The following ADARB2 variants were observed in gnomAD, a reference collection of about 807,000 sequenced individuals.
ADARB2 encodes adenosine deaminase RNA specific B2 (inactive), also known as inactive double-stranded RNA-specific editase B2.
In ADARB2, 25 loss-of-function variants were observed where a neutral mutation model predicts 62.2. The observed-to-expected ratio is 0.40, with a 90% CI of 0.29 to 0.56. The LOEUF (loss-of-function observed/expected upper bound fraction) is 0.56. ADARB2 is among the 20% of genes least tolerant of loss of function. The pLI is 0.43. For synonymous variants in ADARB2, 572 were observed against 500.8 expected, an observed-to-expected ratio of 1.14 and a Z score of -1.90; for missense variants, 1,071 against 1,077.4, an observed-to-expected ratio of 0.99 and a Z score of 0.08.
chr10:1,258,632 G>A (rs1465603637), intron 4 of ADARB2, among the ~76,000 whole-genome samples: 1 of 152,186 alleles, frequency 6.6e-6, no homozygotes, highest in African/African-American at 2.4e-5. Flanking sequence ...CAATACAGGA[G>A]CACCCAGATT....
chr10:1,232,778 GTA>G (rs1830821261), intron 6 of ADARB2, among the ~76,000 whole-genome samples: 1 of 150,596 alleles, frequency 6.6e-6, no homozygotes, highest in African/African-American at 2.4e-5. Context: ...GGTATATATG[GTA>G]TGTGTGTGGT....
intron 1 of ADARB2, among the ~76,000 whole-genome samples, chr10:1,478,479 C>T (rs1831429020): frequency 6.6e-6 from 1 of 152,218 alleles, no homozygotes; most frequent in Non-Finnish European, 1.5e-5. Context: ...TAAATCTAGA[C>T]ACAGACATTG....
At chr10:1,207,284 T>G (rs1837081138) in intron 7 of ADARB2, among the ~76,000 whole-genome samples, 3 of 152,190 alleles carry the variant, frequency 2.0e-5, no homozygotes, top group African/African-American at 7.2e-5. Flanking sequence ...AGGCAGAGGC[T>G]GCAGTGAGCC....
chr10:1,732,762 G>A (rs976988533), intron 1 of ADARB2, among the ~76,000 whole-genome samples: 1 of 152,204 alleles, frequency 6.6e-6, no homozygotes, highest in Non-Finnish European at 1.5e-5. Flanking sequence ...CGGAGCCCAC[G>A]GCCGCTCTGC....
intron 1 of ADARB2, among the ~76,000 whole-genome samples, chr10:1,587,870 T>C (rs1460436972): frequency 6.6e-6 from 1 of 152,130 alleles, no homozygotes; most frequent in Non-Finnish European, 1.5e-5. Context: ...GTTTCCCCTT[T>C]CTCTTGGCTC....
At chr10:1,616,379 A>G (rs943419222) in intron 1 of ADARB2, among the ~76,000 whole-genome samples, 1 of 152,152 alleles carries the variant, frequency 6.6e-6, no homozygotes, top group African/African-American at 2.4e-5. Flanking sequence ...CTCCAGACAC[A>G]CTCTACCCTG....
chr10:1,557,606 A>T (rs1832723727), intron 1 of ADARB2, among the ~76,000 whole-genome samples: 6 of 152,088 alleles, frequency 3.9e-5, no homozygotes, highest in Admixed American at 3.9e-4. Flanking sequence ...TGTTTATTTT[A>T]TCAAAAGAAC....
chr10:1,688,949 G>A (rs1325104900), intron 1 of ADARB2, among the ~76,000 whole-genome samples: 2 of 152,144 alleles, frequency 1.3e-5, no homozygotes, highest in Non-Finnish European at 2.9e-5. Context: ...TATATATATT[G>A]GAAAATAAGT....
At chr10:1,484,846 C>A (rs1179124792) in intron 1 of ADARB2, among the ~76,000 whole-genome samples, 1 of 152,024 alleles carries the variant, frequency 6.6e-6, no homozygotes, top group African/African-American at 2.4e-5. Flanking sequence ...ATGTAGGCAC[C>A]TATGTAGATA....
At chr10:1,404,154 C>T (rs1405638132) in intron 1 of ADARB2, among the ~76,000 whole-genome samples, 1 of 152,268 alleles carries the variant, frequency 6.6e-6, no homozygotes, top group Non-Finnish European at 1.5e-5. Context: ...TAAAGATGAG[C>T]TCTAGAGGCC....
chr10:1,316,277 G>A (rs1453708736), intron 3 of ADARB2, among the ~76,000 whole-genome samples: 1 of 152,238 alleles, frequency 6.6e-6, no homozygotes, highest in African/African-American at 2.4e-5. Flanking sequence ...GGGAGTGGAT[G>A]GTGCCAGGCT....
intron 1 of ADARB2, among the ~76,000 whole-genome samples, chr10:1,543,174 C>T (rs1166978357): frequency 1.3e-5 from 2 of 152,184 alleles, no homozygotes; most frequent in East Asian, 1.9e-4. Flanking sequence ...AGGATGGCGG[C>T]GTTGAGAGCC....
At chr10:1,622,432 T>C (rs760694273) in intron 1 of ADARB2, among the ~76,000 whole-genome samples, 23 of 152,200 alleles carry the variant, frequency 1.5e-4, no homozygotes, top group Non-Finnish European at 2.5e-4. Flanking sequence ...TTGCAAGTTA[T>C]ATATCTGATA....
chr10:1,477,461 T>C lies in ADARB2; in HGVS notation c.101-98301A>G, dbSNP rs1318617313. Among the ~76,000 whole-genome samples, 3 of 152,210 alleles carry C rather than the reference T, an allele frequency of 2.0e-5. No homozygotes were observed. The highest frequency in any genetic ancestry group is 1.5e-5 in the Non-Finnish European group (1 of 68,038). ...GCTTCTTTGCAGACGGCCCCTTTTC[T>C]GCTGTGCTGCCCATTGCTTTCTTGC... On this transcript the variant is annotated intron_variant, in intron 1 of 9. Transcript: ENST00000381312. The surrounding 1 kb of genome is among the most constrained non-coding windows in gnomAD (Gnocchi z 4.5).
At position 1,509,351 on chromosome 10, in the gene ADARB2, T is replaced by C. The variant is rs2131943543; in HGVS notation, c.101-130191A>G. ...TTTAATTTTATTTTTTATGCAATCA[T>C]GGGGACTATAACCAATAAATTTAGC... On this transcript the variant is annotated intron_variant, in intron 1 of 9. Transcript: ENST00000381312. Among the ~76,000 whole-genome samples the C allele has an allele frequency of 1.3e-5, 2 of 152,346 alleles. 1 individual carries two copies. Among genetic ancestry groups the C allele is most frequent in the South Asian group, 4.1e-4 (2 of 4,828 alleles).
intron 3 of ADARB2, among the ~76,000 whole-genome samples, chr10:1,308,911 G>A (rs1564253367): frequency 6.6e-6 from 1 of 152,138 alleles, no homozygotes; most frequent in Non-Finnish European, 1.5e-5. Flanking sequence ...TGGTTTTCTA[G>A]GATAAACAGA....
At chr10:1,718,693 G>T (rs575926062) in intron 1 of ADARB2, among the ~76,000 whole-genome samples, 1 of 152,282 alleles carries the variant, frequency 6.6e-6, no homozygotes, top group African/African-American at 2.4e-5. Context: ...CTTTACCTAG[G>T]GGGGCAGCAC....
intron 1 of ADARB2, among the ~76,000 whole-genome samples, chr10:1,545,197 T>C (rs1354644597): frequency 1.3e-5 from 2 of 152,184 alleles, no homozygotes; most frequent in African/African-American, 4.8e-5. Context: ...CATGGCTCCA[T>C]GCTTCCTAAC....
chr10:1,599,483 T>C (rs1225718088), intron 1 of ADARB2, among the ~76,000 whole-genome samples: 1 of 152,236 alleles, frequency 6.6e-6, no homozygotes, highest in African/African-American at 2.4e-5. Context: ...ATTATGATCC[T>C]GTGTACAGGG....
Sources: allele counts gnomAD v4.1 joint callset (sites outside exome capture counted in the v4.1 genomes callset), GRCh38; gene constraint gnomAD v4.1.1; non-coding constraint Gnocchi (gnomAD v3.1); transcripts MANE v1.5; gene names NCBI Gene and HGNC (gene_info 2026-07-23, HGNC 2026-07-21).